The following ATP8B4 variants were observed in gnomAD, a reference collection of about 807,000 sequenced individuals.
ATP8B4 encodes probable phospholipid-transporting ATPase IM.
Under a neutral mutation model 145.6 loss-of-function variants are expected in ATP8B4, and 133 were observed. That is an observed-to-expected ratio of 0.91 (90% CI 0.79 to 1.05). The LOEUF is 1.05. Among genes scored for constraint, ATP8B4 ranks in the 50% least tolerant of loss-of-function variants. ATP8B4 has a pLI of 0.00. For missense variants in ATP8B4, 1,458 were observed against 1,425.2 expected, an observed-to-expected ratio of 1.02 and a Z score of -0.37; for synonymous variants, 507 against 492.9, an observed-to-expected ratio of 1.03 and a Z score of -0.38.
chr15:50,149,354 G>A (rs1294357408), intron 1 of ATP8B4, among the ~76,000 whole-genome samples: 1 of 152,156 alleles, frequency 6.6e-6, no homozygotes, highest in African/African-American at 2.4e-5. Context: ...CTGATCTGGT[G>A]ATAGACTGCT....
intron 1 of ATP8B4, among the ~76,000 whole-genome samples, chr15:50,131,830 A>G (rs2044052277): frequency 6.7e-6 from 1 of 150,144 alleles, no homozygotes; most frequent in African/African-American, 2.4e-5. Flanking sequence ...TTCAATTAAT[A>G]TTATCATGTA....
At chr15:50,110,654 A>C (rs762387630) in intron 1 of ATP8B4, among the ~76,000 whole-genome samples, 2 of 152,234 alleles carry the variant, frequency 1.3e-5, no homozygotes, top group Non-Finnish European at 2.9e-5. Context: ...CCTCTTAAAA[A>C]CTGCCTCAAA....
At chr15:50,142,102 T>C (rs1045105156) in intron 1 of ATP8B4, among the ~76,000 whole-genome samples, 7 of 152,152 alleles carry the variant, frequency 4.6e-5, no homozygotes, top group African/African-American at 1.4e-4. Context: ...GTTCAGGGAA[T>C]GCTGAGAAAT....
At chr15:50,157,315 C>T (rs1000287348) in intron 1 of ATP8B4, among the ~76,000 whole-genome samples, 2 of 152,136 alleles carry the variant, frequency 1.3e-5, no homozygotes, top group Non-Finnish European at 2.9e-5. Context: ...AAGAGAGAGA[C>T]TCAGCCTGAG....
chr15:50,142,480 C>A (rs2153679967), intron 1 of ATP8B4, among the ~76,000 whole-genome samples: 1 of 152,232 alleles, frequency 6.6e-6, no homozygotes, highest in South Asian at 2.1e-4. Flanking sequence ...CCCAAAGCAA[C>A]TCTAGCCTAG....
chr15:49,893,989 A>T (rs1450328778), intron 23 of ATP8B4, among the ~76,000 whole-genome samples: 1 of 152,182 alleles, frequency 6.6e-6, no homozygotes, highest in Non-Finnish European at 1.5e-5. Context: ...TGATTCTACA[A>T]AGAAGCTGAC....
At chr15:49,955,446 T>C (rs927482812) in intron 14 of ATP8B4, among the ~76,000 whole-genome samples, 1 of 152,202 alleles carries the variant, frequency 6.6e-6, no homozygotes, top group African/African-American at 2.4e-5. Context: ...TGTAAAATGG[T>C]GTAGTCACTA....
chr15:50,103,449 C>T (rs1322973348), intron 2 of ATP8B4, among the ~76,000 whole-genome samples: 1 of 152,072 alleles, frequency 6.6e-6, no homozygotes, highest in Non-Finnish European at 1.5e-5. Context: ...ACACCAACAG[C>T]AATCAAGCTG....
At chr15:49,903,560 T>C (rs1237395909) in intron 20 of ATP8B4, among the ~76,000 whole-genome samples, 2 of 152,196 alleles carry the variant, frequency 1.3e-5, no homozygotes, top group Non-Finnish European at 2.9e-5. Flanking sequence ...AAGAGTCGTT[T>C]AGTCAGTCCT....
chr15:50,052,539 G>A (rs1233954259), intron 3 of ATP8B4, among the ~76,000 whole-genome samples: 1 of 152,214 alleles, frequency 6.6e-6, no homozygotes, highest in Non-Finnish European at 1.5e-5. Flanking sequence ...AGAGGGAGAA[G>A]GGCAAAGATG....
chr15:50,002,512 T>C (rs2047980435), intron 7 of ATP8B4, among the ~76,000 whole-genome samples: 4 of 152,180 alleles, frequency 2.6e-5, no homozygotes, highest in Admixed American at 2.6e-4. Flanking sequence ...ATATAAATTC[T>C]ATTTTCTTGC....
chr15:49,945,734 G>T (rs942363485), intron 14 of ATP8B4, among the ~76,000 whole-genome samples: 1 of 151,970 alleles, frequency 6.6e-6, no homozygotes, highest in Non-Finnish European at 1.5e-5. Flanking sequence ...ACAGAACAAA[G>T]AATAAAATCA....
chr15:50,142,781 A>G (rs757047206), intron 1 of ATP8B4, among the ~76,000 whole-genome samples: 2 of 152,160 alleles, frequency 1.3e-5, no homozygotes, highest in Non-Finnish European at 2.9e-5. Context: ...TTAACATTCA[A>G]TACCCCCATG....
At chr15:50,141,933 G>A (rs1470486579) in intron 1 of ATP8B4, among the ~76,000 whole-genome samples, 1 of 152,180 alleles carries the variant, frequency 6.6e-6, no homozygotes, top group Admixed American at 6.5e-5. Context: ...CCAGAGGAGG[G>A]AGCAACTTCT....
At chr15:50,015,307 A>G (rs2049008743) in intron 6 of ATP8B4, among the ~76,000 whole-genome samples, 1 of 152,212 alleles carries the variant, frequency 6.6e-6, no homozygotes, top group Non-Finnish European at 1.5e-5. Flanking sequence ...GTTCTTTTGT[A>G]CTGTTTAAAT....
rs757931941 is a variant in ATP8B4 at position 50,018,995 on chromosome 15, C to G, written c.363-8078G>C. The G allele has an allele frequency of 2.2e-5, 25 of 1,142,108 alleles. No homozygotes were observed. The South Asian group carries it at 3.3e-4, about 15-fold the overall frequency. 70.7% of individuals were successfully genotyped at this position (1,142,108 alleles called of 1,614,324 possible). A position where few individuals can be genotyped will look rare whatever the true frequency, so the allele number is the denominator to read the frequency against. ...TCAGCACCTTCATTATGAGGAGAAA[C>G]AAAGTTCGAGTCAATGTAAATCCAT... On this transcript the variant is annotated intron_variant, in intron 6 of 27. Coordinates refer to ENST00000284509, the MANE Select transcript of ATP8B4 (RefSeq NM_024837.4).
At chr15:49,950,619 C>CAAAAAAAAAAAAAA (rs748025885) in intron 14 of ATP8B4, among the ~76,000 whole-genome samples, 1 of 109,954 alleles carries the variant, frequency 9.1e-6, no homozygotes, top group Non-Finnish European at 1.8e-5. Flanking sequence ...AACAAACAAA[C>CAAAAAAAAAAAAAA]AAAAAAAACA....
At chr15:50,122,608 G>A (rs2057280356), upstream of ATP8B4, among the ~76,000 whole-genome samples, 1 of 152,156 alleles carries the variant, frequency 6.6e-6, no homozygotes, top group South Asian at 2.1e-4. Flanking sequence ...CAAGTCCTTG[G>A]TGTCAGCCTA....
chr15:49,927,302 A>G (rs915894055), intron 16 of ATP8B4, among the ~76,000 whole-genome samples: 1 of 152,056 alleles, frequency 6.6e-6, no homozygotes, highest in African/African-American at 2.4e-5. Context: ...GCTGCCACCC[A>G]AAAACAAGGA....
Sources: gnomAD v4.1 joint callset for allele counts (sites outside exome capture counted in the v4.1 genomes callset) on GRCh38, gnomAD v4.1.1 for gene constraint, MANE v1.5 for transcripts, NCBI Gene and HGNC (gene_info 2026-07-23, HGNC 2026-07-21) for gene names.